Variants in LZTS1 observed in about 807,000 individuals in gnomAD.
LZTS1 encodes leucine zipper tumor suppressor 1.
A neutral mutation model predicts 45.8 loss-of-function variants in LZTS1; 31 were observed. The observed-to-expected ratio is 0.68, with a 90% CI of 0.51 to 0.91. The LOEUF (loss-of-function observed/expected upper bound fraction) is 0.91, where lower values mean the gene tolerates loss of function less well. Among genes scored for constraint, LZTS1 ranks in the 40% least tolerant of loss-of-function variants. The probability of loss-of-function intolerance (pLI) is 0.00; values close to 1 mark genes in which losing one functional copy is unlikely to be tolerated. For missense variants in LZTS1, 821 were observed against 788.9 expected (o/e 1.04, Z -0.49); for synonymous variants, 359 against 357.3 (o/e 1.00, Z -0.05).
At chr8:20,257,364 A>G (rs1800130897) in intron 1 of LZTS1, among the ~76,000 whole-genome samples, 1 of 152,174 alleles carries the variant, frequency 6.6e-6, no homozygotes. Context: ...TGTCTCAAAA[A>G]AAAAAGTTGT....
At chr8:20,276,072 A>G (rs1379080286) in intron 1 of LZTS1, among the ~76,000 whole-genome samples, 1 of 152,202 alleles carries the variant, frequency 6.6e-6, no homozygotes, top group Non-Finnish European at 1.5e-5. Flanking sequence ...CTTCCAAAAA[A>G]TAAAGAAAAT....
chr8:20,272,352 T>A (rs1800490989), intron 1 of LZTS1, among the ~76,000 whole-genome samples: 1 of 152,148 alleles, frequency 6.6e-6, no homozygotes. Flanking sequence ...GTCTTGCTTT[T>A]TTCCTCCCCT....
rs1799757797 is a variant in LZTS1 at position 20,247,235 on chromosome 8, C to G, written c.*2487G>C. 6.6e-6 allele frequency: 1 copy of G among 152,372 alleles called. No homozygotes were observed. The highest frequency in any genetic ancestry group is 1.5e-5 in the Non-Finnish European group (1 of 68,198). The allele number at this position is 152,372 out of a possible 1,614,324, so 9.4% of individuals were successfully genotyped here. On this transcript the variant is annotated 3_prime_UTR_variant, in exon 4 of 4. Transcript: ENST00000381569. Reference sequence around the variant, plus strand: ...TCTGTGTATGGAAGGTACCGGGACACCATGGCGGAGCACAGCCTCCGCCTC... The same window carrying G: ...TCTGTGTATGGAAGGTACCGGGACAGCATGGCGGAGCACAGCCTCCGCCTC...
At chr8:20,282,426 G>T (rs1414661193) in intron 1 of LZTS1, among the ~76,000 whole-genome samples, 1 of 152,188 alleles carries the variant, frequency 6.6e-6, no homozygotes, top group African/African-American at 2.4e-5. Flanking sequence ...ATATGACCTG[G>T]GGGCAGTTGC....
intron 1 of LZTS1, among the ~76,000 whole-genome samples, chr8:20,296,455 C>G (rs999546042): frequency 6.6e-6 from 1 of 152,198 alleles, no homozygotes; most frequent in African/African-American, 2.4e-5. Context: ...TTCGTGGCCA[C>G]CTAAAGACTG....
At chr8:20,261,184 G>T (rs1362594366) in intron 1 of LZTS1, among the ~76,000 whole-genome samples, 1 of 152,160 alleles carries the variant, frequency 6.6e-6, no homozygotes, top group Non-Finnish European at 1.5e-5. Flanking sequence ...GACAGGAGGA[G>T]GGAAGAAGGA....
Position 20,249,593 on chromosome 8 carries a change from G to T in LZTS1, c.*129C>A. The T allele has an allele frequency of 8.5e-7, 1 of 1,182,618 alleles. No homozygotes were observed. The highest frequency in any genetic ancestry group is 1.5e-5 in the South Asian group (1 of 64,974). 73.3% of individuals were successfully genotyped at this position (1,182,618 alleles called of 1,614,324 possible). ...GAAAGGCCATCCTGCCCTCCCCTCG[G>T]GGGTCCTGGGTCTGTGTCCCAGGGA... On this transcript the variant is annotated 3_prime_UTR_variant, in exon 4 of 4. Transcript: ENST00000381569.
chr8:20,286,856 C>A (rs1800800872), intron 1 of LZTS1, among the ~76,000 whole-genome samples: 1 of 152,148 alleles, frequency 6.6e-6, no homozygotes, highest in Non-Finnish European at 1.5e-5. Context: ...TCACAAAGGA[C>A]ACGTTCTGTG....
At chr8:20,292,729 T>C (rs1284060160) in intron 1 of LZTS1, among the ~76,000 whole-genome samples, 1 of 152,096 alleles carries the variant, frequency 6.6e-6, no homozygotes, top group East Asian at 1.9e-4. Flanking sequence ...CTGCCTACCA[T>C]TGAGGTCTGA....
intron 1 of LZTS1, 33 bp from the exon 2 acceptor site, chr8:20,255,348 G>T (rs983208148): frequency 7.1e-7 from 1 of 1,401,864 alleles, no homozygotes; most frequent in Non-Finnish European, 9.3e-7. Context: ...AGTCAGCGTG[G>T]GTGGGAGTGG....
At chr8:20,294,827 C>A (rs1800955521) in intron 1 of LZTS1, among the ~76,000 whole-genome samples, 1 of 151,830 alleles carries the variant, frequency 6.6e-6, no homozygotes, top group Admixed American at 6.6e-5. Context: ...GAGGGCAGAC[C>A]CCACACAGGT....
Position 20,249,408 on chromosome 8 carries a change from G to C in LZTS1, c.*314C>G, listed in dbSNP as rs939409902. On this transcript the variant is annotated 3_prime_UTR_variant, in exon 4 of 4. Transcript: ENST00000381569. Reference sequence around the variant, plus strand: ...GCTGTGGCCACCTTCCCTGGAGGAGGGGGAGAGGATATCTATTTCGAACAA... The same window carrying C: ...GCTGTGGCCACCTTCCCTGGAGGAGCGGGAGAGGATATCTATTTCGAACAA... The C allele has an allele frequency of 2.3e-5, 7 of 299,978 alleles. No individual in the cohort carries two copies. Among genetic ancestry groups the C allele is most frequent in the African/African-American group, 1.5e-4 (7 of 46,760 alleles). 18.6% of individuals were successfully genotyped at this position (299,978 alleles called of 1,614,324 possible). A position where few individuals can be genotyped will look rare whatever the true frequency, so the allele number is the denominator to read the frequency against.
intron 1 of LZTS1, among the ~76,000 whole-genome samples, chr8:20,301,589 C>T (rs1040704249): frequency 6.6e-6 from 1 of 152,140 alleles, no homozygotes; most frequent in Admixed American, 6.6e-5. Context: ...TGAATAAGCG[C>T]AAAGGCATAT....
intron 1 of LZTS1, among the ~76,000 whole-genome samples, chr8:20,290,694 C>T (rs186836709): frequency 3.0e-4 from 46 of 152,342 alleles, no homozygotes; most frequent in African/African-American, 1.1e-3. Flanking sequence ...CGTGTACAAC[C>T]CCCATAAACT....
Position 20,264,699 on chromosome 8 carries a change from G to C in LZTS1, c.-134-9384C>G, listed in dbSNP as rs1282632190. 2.6e-5 allele frequency among the ~76,000 whole-genome samples: 4 copies of C among 152,186 alleles called. No homozygotes were observed. The South Asian group carries it at 8.3e-4, about 31-fold the overall frequency. On this transcript the variant is annotated intron_variant, in intron 1 of 3. Coordinates refer to ENST00000381569, the MANE Select transcript of LZTS1 (RefSeq NM_021020.5). ...CCTGCTCTGAGGCAGCCTGGAACTC[G>C]AGGCACAACCAGCCAGGCAGGACCT...
chr8:20,249,695 C>T lies in LZTS1; in HGVS notation c.*27G>A, dbSNP rs1292441526. ...GAGCCCTGCCTCCCAGTGCCAGGTCCCCAGACTCGCCTTCCCAGGCAGCCC... is the reference window on the plus strand; with the variant it reads ...GAGCCCTGCCTCCCAGTGCCAGGTCTCCAGACTCGCCTTCCCAGGCAGCCC... On this transcript the variant is annotated 3_prime_UTR_variant, in exon 4 of 4. Coordinates refer to ENST00000381569, the MANE Select transcript of LZTS1 (RefSeq NM_021020.5). The T allele has an allele frequency of 6.3e-6, 10 of 1,576,386 alleles. No individual in the cohort carries two copies. Among genetic ancestry groups the T allele is most frequent in the South Asian group, 2.3e-5 (2 of 86,918 alleles).
intron 1 of LZTS1, among the ~76,000 whole-genome samples, chr8:20,274,969 G>GTGTGTGTGTGTGTGTA (rs1554553686): frequency 1.2e-3 from 181 of 151,444 alleles, no homozygotes; most frequent in South Asian, 2.1e-3. Flanking sequence ...TACTGTGTGT[G>GTGTGTGTGTGTGTGTA]TGTGTGTGTG....
intron 3 of LZTS1, among the ~76,000 whole-genome samples, chr8:20,251,121 ATATATATATATATATATAT>A (rs1799889948): frequency 4.4e-5 from 1 of 22,914 alleles, no homozygotes; most frequent in African/African-American, 2.1e-4. Context: ...ATATATATAT[ATATATATATATATATATAT>A]ATATATATAA....
intron 1 of LZTS1, among the ~76,000 whole-genome samples, chr8:20,291,196 C>A (rs76392058): frequency 3.9e-5 from 6 of 152,192 alleles, no homozygotes. Flanking sequence ...ATCAAGGTAC[C>A]AACGACTCCT....
Sources: gnomAD v4.1 joint callset for allele counts (sites outside exome capture counted in the v4.1 genomes callset) on GRCh38, gnomAD v4.1.1 for gene constraint, MANE v1.5 for transcripts, NCBI Gene and HGNC (gene_info 2026-07-23, HGNC 2026-07-21) for gene names.